Variants in CDH18 observed in about 807,000 individuals in gnomAD.
CDH18 encodes the protein cadherin-18.
In CDH18, 31 loss-of-function variants were observed where a neutral mutation model predicts 67.9. The observed-to-expected ratio is 0.46, with a 90% CI of 0.34 to 0.62. CDH18 has a LOEUF of 0.62. Among genes scored for constraint, CDH18 ranks in the 20% least tolerant of loss-of-function variants. CDH18 has a pLI of 0.01. For synonymous variants in CDH18, 362 were observed against 347.2 expected, an observed-to-expected ratio of 1.04 and a Z score of -0.48; for missense variants, 890 against 975.5, an observed-to-expected ratio of 0.91 and a Z score of 1.17.
At chr5:19,829,485 T>C (rs186864375) in intron 3 of CDH18, among the ~76,000 whole-genome samples, 87 of 152,234 alleles carry the variant, frequency 5.7e-4, no homozygotes, top group African/African-American at 1.9e-3. Context: ...TAATAAATTT[T>C]ATAGGAATAT....
chr5:20,327,936 C>T (rs1459395909), intron 1 of CDH18, among the ~76,000 whole-genome samples: 1 of 151,602 alleles, frequency 6.6e-6, no homozygotes, highest in Non-Finnish European at 1.5e-5. Context: ...AAGAAAAAGT[C>T]TGAAGGAAAT....
At chr5:20,166,439 CA>C (rs796889478) in intron 2 of CDH18, among the ~76,000 whole-genome samples, 1,586 of 74,740 alleles carry the variant, frequency 0.021, 29 homozygotes, top group African/African-American at 0.076. Flanking sequence ...GACTCTGTCT[CA>C]AAAAAAAAAA....
intron 12 of CDH18, among the ~76,000 whole-genome samples, chr5:19,481,363 A>C (rs1014937252): frequency 3.3e-5 from 5 of 152,142 alleles, no homozygotes; most frequent in Non-Finnish European, 5.9e-5. Context: ...CTACATTATC[A>C]AAGATCATTT....
rs79441092 is a variant in CDH18 at position 20,406,578 on chromosome 5, A to T, written c.-579-151073T>A. 8.3e-4 allele frequency among the ~76,000 whole-genome samples: 30 copies of T among 36,244 alleles called. No homozygotes were observed. In the East Asian group the frequency reaches 8.4e-3, roughly 10 times the overall value. The allele number at this position is 36,244 out of a possible 152,430, so 23.8% of individuals were successfully genotyped here. A position where few individuals can be genotyped will look rare whatever the true frequency, so the allele number is the denominator to read the frequency against. ...GTACCCTAAAACTTAAAGTATAATA[A>T]AAAAAAAAGTCCTGTAGAAAATGAA... On this transcript the variant is annotated intron_variant, in intron 1 of 14. Coordinates refer to the CDH18 transcript ENST00000507958.
intron 2 of CDH18, among the ~76,000 whole-genome samples, chr5:20,071,873 T>G (rs1308376785): frequency 6.6e-6 from 1 of 152,094 alleles, no homozygotes; most frequent in Non-Finnish European, 1.5e-5. Context: ...GATCTACATT[T>G]CTACCCTCTC....
chr5:19,700,729 CT>C (rs568383889), intron 5 of CDH18, among the ~76,000 whole-genome samples: 35 of 152,098 alleles, frequency 2.3e-4, no homozygotes, highest in Admixed American at 2.6e-4. Context: ...GACTCCCAGG[CT>C]TGTACATGTA....
chr5:20,151,351 G>GGT (rs1200706310), intron 2 of CDH18, among the ~76,000 whole-genome samples: 1 of 152,070 alleles, frequency 6.6e-6, no homozygotes, highest in African/African-American at 2.4e-5. Flanking sequence ...GGTATTCCAT[G>GGT]GTGTATATGT....
intron 1 of CDH18, among the ~76,000 whole-genome samples, chr5:20,340,388 G>T (rs1740157935): frequency 6.6e-6 from 1 of 152,108 alleles, no homozygotes; most frequent in Non-Finnish European, 1.5e-5. Context: ...CAAGAAAAAG[G>T]CAGAGGCTCT....
At chr5:20,040,304 C>A (rs1330974958) in intron 2 of CDH18, among the ~76,000 whole-genome samples, 2 of 151,880 alleles carry the variant, frequency 1.3e-5, no homozygotes, top group African/African-American at 2.4e-5. Context: ...AAAAACATGG[C>A]AAATCAAAAT....
At chr5:20,043,962 A>C (rs1740677766) in intron 2 of CDH18, among the ~76,000 whole-genome samples, 1 of 152,230 alleles carries the variant, frequency 6.6e-6, no homozygotes, top group South Asian at 2.1e-4. Flanking sequence ...TACTTCCCAA[A>C]CATAAATACA....
intron 8 of CDH18, among the ~76,000 whole-genome samples, chr5:19,560,290 A>G (rs188220773): frequency 1.3e-5 from 2 of 152,298 alleles, no homozygotes; most frequent in African/African-American, 4.8e-5. Context: ...TCACCAAAAC[A>G]GCATGGTACT....
At chr5:19,573,149 TTA>T (rs1266111673) in intron 7 of CDH18, among the ~76,000 whole-genome samples, 1 of 152,204 alleles carries the variant, frequency 6.6e-6, no homozygotes, top group East Asian at 1.9e-4. Context: ...ACACATGCAT[TTA>T]TATATGACAC....
At chr5:19,648,511 T>C (rs530816609) in intron 5 of CDH18, among the ~76,000 whole-genome samples, 3 of 152,254 alleles carry the variant, frequency 2.0e-5, no homozygotes, top group Non-Finnish European at 4.4e-5. Flanking sequence ...TGATCAATTT[T>C]TATGTTTTGT....
chr5:19,811,161 G>GACA (rs1491122708), intron 3 of CDH18, among the ~76,000 whole-genome samples: 40 of 27,604 alleles, frequency 1.4e-3, no homozygotes, highest in South Asian at 1.8e-3. Context: ...AAAGAAAGAA[G>GACA]GAGAGAAAGA....
intron 5 of CDH18, among the ~76,000 whole-genome samples, chr5:19,614,839 C>T (rs1016948548): frequency 7.2e-5 from 11 of 151,972 alleles, no homozygotes; most frequent in Non-Finnish European, 1.6e-4. Context: ...AGGATTGTCT[C>T]GGGATTAATT....
At chr5:20,007,484 T>A (rs1736998786) in intron 2 of CDH18, among the ~76,000 whole-genome samples, 1 of 152,058 alleles carries the variant, frequency 6.6e-6, no homozygotes, top group African/African-American at 2.4e-5. Flanking sequence ...ACCAAGAAAC[T>A]ATTACAGTTA....
intron 3 of CDH18, among the ~76,000 whole-genome samples, chr5:19,813,729 TGA>T (rs1778989148): frequency 6.6e-6 from 1 of 152,120 alleles, no homozygotes; most frequent in Admixed American, 6.5e-5. Context: ...ACATTTGAAT[TGA>T]GAGTGTCATA....
chr5:19,791,176 C>T (rs1485156722), intron 3 of CDH18, among the ~76,000 whole-genome samples: 4 of 151,954 alleles, frequency 2.6e-5, no homozygotes, highest in South Asian at 2.1e-4. Flanking sequence ...ATCTTTCAGT[C>T]GGCACCAGAG....
chr5:20,368,072 T>A (rs1022700431), intron 1 of CDH18, among the ~76,000 whole-genome samples: 1 of 152,158 alleles, frequency 6.6e-6, no homozygotes, highest in Non-Finnish European at 1.5e-5. Context: ...TTCACAGAGT[T>A]TGGGACTCCT....
Sources: allele counts gnomAD v4.1 joint callset (sites outside exome capture counted in the v4.1 genomes callset), GRCh38; gene constraint gnomAD v4.1.1; transcripts MANE v1.5; gene names NCBI Gene and HGNC (gene_info 2026-07-23, HGNC 2026-07-21).